DENND5A: variants seen among roughly 807,000 people sequenced by gnomAD.
The protein encoded by DENND5A is DENN domain containing 5A, also known as DENN domain-containing protein 5A.
DENND5A carries 64 observed loss-of-function variants against 140.3 expected under a neutral mutation model. The observed-to-expected ratio is 0.46, with a 90% CI of 0.37 to 0.56. The LOEUF (loss-of-function observed/expected upper bound fraction) is 0.56. DENND5A is among the 20% of genes least tolerant of loss of function. The probability of loss-of-function intolerance (pLI) is 0.00; values close to 1 mark genes in which losing one functional copy is unlikely to be tolerated. For missense variants in DENND5A, 1,292 were observed against 1,593.8 expected, an observed-to-expected ratio of 0.81 and a Z score of 3.22; for synonymous variants, 605 against 607.7, an observed-to-expected ratio of 1.00 and a Z score of 0.07.
chr11:9,180,659 A>C lies in DENND5A; in HGVS notation c.1455+108T>G, dbSNP rs996543376. 1.0e-5 allele frequency: 11 copies of C among 1,092,044 alleles called. 1 individual carries two copies. Among genetic ancestry groups the C allele is most frequent in the Non-Finnish European group, 1.5e-5 (11 of 752,764 alleles). The allele number at this position is 1,092,044 out of a possible 1,614,324, so 67.6% of individuals were successfully genotyped here. ...TACAGAACATTCTTTCACTGCTCAC[A>C]AATATGAGTTGTCCAGAACTGGGTG... On this transcript the variant is annotated intron_variant, in intron 6 of 22. Transcript: ENST00000328194.
At chr11:9,211,929 CAAAA>C (rs71453905) in intron 1 of DENND5A, among the ~76,000 whole-genome samples, 1 of 84,860 alleles carries the variant, frequency 1.2e-5, no homozygotes, top group East Asian at 3.3e-4. Flanking sequence ...GACTCCGTCT[CAAAA>C]AAAAAAAAAA....
At chr11:9,142,349 A>C (rs958646157) in intron 21 of DENND5A, among the ~76,000 whole-genome samples, 1 of 152,170 alleles carries the variant, frequency 6.6e-6, no homozygotes, top group Non-Finnish European at 1.5e-5. Flanking sequence ...TGAAGACACA[A>C]AAAATTCTGA....
At chr11:9,248,568 G>A (rs1321105784) in intron 1 of DENND5A, among the ~76,000 whole-genome samples, 1 of 151,954 alleles carries the variant, frequency 6.6e-6, no homozygotes, top group Non-Finnish European at 1.5e-5. Flanking sequence ...GTAGGAGGAT[G>A]GCTTGAACCT....
chr11:9,144,937 G>A lies in DENND5A; in HGVS notation c.3122+58C>T, dbSNP rs1345853543. The A allele has an allele frequency of 4.8e-5, 61 of 1,258,926 alleles. 1 individual carries two copies. Among genetic ancestry groups the A allele is most frequent in the East Asian group, 2.3e-5 (1 of 43,288 alleles). The allele number at this position is 1,258,926 out of a possible 1,614,324, so 78.0% of individuals were successfully genotyped here. Reference sequence around the variant, plus strand: ...TGGGAACTCCACATACCCAAGCATCGAAGAGCTCCTGTAGATACACCTTGC... The same window carrying A: ...TGGGAACTCCACATACCCAAGCATCAAAGAGCTCCTGTAGATACACCTTGC... On this transcript the variant is annotated intron_variant, in intron 18 of 22. Transcript: ENST00000328194.
At chr11:9,209,311 T>C (rs1387890988) in intron 1 of DENND5A, among the ~76,000 whole-genome samples, 1 of 152,112 alleles carries the variant, frequency 6.6e-6, no homozygotes, top group Non-Finnish European at 1.5e-5. Flanking sequence ...ATGACATGCA[T>C]GTGTGAGAAG....
chr11:9,162,074 A>G (rs1848002071), intron 11 of DENND5A, among the ~76,000 whole-genome samples: 1 of 151,570 alleles, frequency 6.6e-6, no homozygotes, highest in Non-Finnish European at 1.5e-5. Flanking sequence ...AAAATCTAAG[A>G]AAAGGAAAAC....
Position 9,255,617 on chromosome 11 carries a change from G to C in DENND5A, c.109+9344C>G, listed in dbSNP as rs547643204. 5.1e-3 allele frequency among the ~76,000 whole-genome samples: 776 copies of C among 152,252 alleles called. 1 individual carries two copies. Among genetic ancestry groups the C allele is most frequent in the Middle Eastern group, 0.017 (5 of 294 alleles). ...GCAGTGGCTCTCGCCTGTAATCCCA[G>C]CACTTTGGAAGGCAGAGGCAGGTGG... On this transcript the variant is annotated intron_variant, in intron 1 of 22. Coordinates refer to ENST00000328194, the MANE Select transcript of DENND5A (RefSeq NM_015213.4).
At chr11:9,240,028 T>C (rs2136271205) in intron 1 of DENND5A, among the ~76,000 whole-genome samples, 1 of 152,318 alleles carries the variant, frequency 6.6e-6, no homozygotes, top group East Asian at 1.9e-4. Flanking sequence ...TAGTAAATTT[T>C]CCAAGACATA....
chr11:9,144,342 A>G (rs1446481958), intron 18 of DENND5A, 64 bp from the exon 19 acceptor site: 1 of 1,541,450 alleles, frequency 6.5e-7, no homozygotes, highest in Non-Finnish European at 8.9e-7. Context: ...AGGAAGAGCC[A>G]TCAACAAAGC....
chr11:9,215,023 G>A (rs1266517612), intron 1 of DENND5A, among the ~76,000 whole-genome samples: 6 of 152,138 alleles, frequency 3.9e-5, no homozygotes, highest in Non-Finnish European at 8.8e-5. Flanking sequence ...CACCGCACCA[G>A]CCCCGCAGGC....
Position 9,144,197 on chromosome 11 carries a change from G to A in DENND5A, c.3204C>T (p.Ser1068=). The A allele has an allele frequency of 6.2e-7, 1 of 1,614,150 alleles. No individual in the cohort carries two copies. Among genetic ancestry groups the A allele is most frequent in the Non-Finnish European group, 8.5e-7 (1 of 1,180,018 alleles). Residue 1068 remains serine (S), a synonymous_variant, in exon 19 of 23, where the codon TCC becomes TCT. Coordinates refer to ENST00000328194, the MANE Select transcript of DENND5A (RefSeq NM_015213.4). ...ERILVGELLT[S]QPEVDERPCR... is the part of the protein sequence containing the mutation. ...ATGGCCTCTCATCCACCTCAGGCTG[G>A]GATGTGAGCAGCTCCCCAACTAGGA...
At chr11:9,214,452 G>C (rs1850006897) in intron 1 of DENND5A, among the ~76,000 whole-genome samples, 2 of 152,110 alleles carry the variant, frequency 1.3e-5, no homozygotes, top group South Asian at 4.1e-4. Flanking sequence ...TTTAAATAGA[G>C]ACACCTTAAA....
rs34596790 is a variant in DENND5A, at chr11:9,234,313, T to TC, written c.110-26682dup. Among the ~76,000 whole-genome samples, 626 of 143,266 alleles carry TC rather than the reference T, an allele frequency of 4.4e-3. 4 individuals are homozygous for TC. The highest frequency in any genetic ancestry group is 0.013 in the African/African-American group (501 of 38,282). 94.0% of individuals were successfully genotyped at this position (143,266 alleles called of 152,430 possible). A position where few individuals can be genotyped will look rare whatever the true frequency, so the allele number is the denominator to read the frequency against. ...CCCAAACCTCAATCTTTCCCACCGA[T>TC]CCCCCCCCCAAAAAAATGAGCAAAA... On this transcript the variant is annotated intron_variant, in intron 1 of 22. Transcript: ENST00000328194.
chr11:9,252,262 C>G (rs1851757483), intron 1 of DENND5A, among the ~76,000 whole-genome samples: 1 of 144,140 alleles, frequency 6.9e-6, no homozygotes, highest in Non-Finnish European at 1.5e-5. Flanking sequence ...CACCACTGCA[C>G]TCCAGCCTGG....
chr11:9,152,247 T>A, intron 13 of DENND5A, 111 bp downstream of exon 13: 1 of 841,800 alleles, frequency 1.2e-6, no homozygotes, highest in Non-Finnish European at 2.1e-6. Flanking sequence ...GAGAAAACAT[T>A]CCAGAGCAAA....
intron 1 of DENND5A, among the ~76,000 whole-genome samples, chr11:9,234,160 C>G (rs1041794803): frequency 2.8e-5 from 4 of 144,508 alleles, no homozygotes; most frequent in African/African-American, 1.0e-4. Flanking sequence ...GCCTGGGCAA[C>G]AGAGCAAAAC....
At position 9,169,914 on chromosome 11, in the gene DENND5A, C is replaced by T. The variant is rs150663913; in HGVS notation, c.2093G>A (p.Arg698Gln). 25 of 1,613,716 alleles carry T rather than the reference C, an allele frequency of 1.5e-5. No homozygotes were observed. Among genetic ancestry groups the T allele is most frequent in the Non-Finnish European group, 1.8e-5 (21 of 1,179,772 alleles). Residue 698 changes from arginine (R) to glutamine (Q), a missense_variant, in exon 10 of 23, where the codon CGG (arginine) becomes CAG (glutamine). Arg to Gln is a conservative substitution (Grantham distance 43). Around this residue, in one of 4 missense-constraint regions of DENND5A, gnomAD observed 199 missense variants for 189.1 expected, o/e 1.05. Coordinates refer to ENST00000328194, the MANE Select transcript of DENND5A (RefSeq NM_015213.4). ...TGTGTGCTGCTTCTGCCGATCTTTC[C>T]GCCTCCACTGGGCAGGGGCATTCCT... Reference protein sequence around the residue: ...TKRNAPAQWRRKDRQKQHTEH... With the variant: ...TKRNAPAQWRQKDRQKQHTEH...
chr11:9,227,169 A>T (rs1335018537), intron 1 of DENND5A, among the ~76,000 whole-genome samples: 3 of 145,746 alleles, frequency 2.1e-5, no homozygotes, highest in Non-Finnish European at 3.0e-5. Context: ...ACTCCATCTC[A>T]AAATAAATAA....
intron 5 of DENND5A, among the ~76,000 whole-genome samples, chr11:9,189,316 G>A (rs1006544742): frequency 5.9e-5 from 9 of 152,202 alleles, no homozygotes; most frequent in African/African-American, 2.2e-4. Flanking sequence ...TTTGTTGCAG[G>A]GACAGGGCCC....
Sources: gnomAD v4.1 joint callset for allele counts (sites outside exome capture counted in the v4.1 genomes callset) on GRCh38, gnomAD v4.1.1 for gene constraint, gnomAD v4.1.1 regional missense constraint, MANE v1.5 for transcripts, NCBI Gene and HGNC (gene_info 2026-07-23, HGNC 2026-07-21) for gene names.